SPOCK3: variants seen among roughly 807,000 people sequenced by gnomAD.
SPOCK3 encodes the protein testican-3.
SPOCK3 carries 30 observed loss-of-function variants against 56.6 expected under a neutral mutation model. That is an observed-to-expected ratio of 0.53 (90% confidence interval 0.40 to 0.72). The LOEUF is 0.72. Ranked by LOEUF, SPOCK3 falls within the 30% of genes least tolerant of loss-of-function variation. The pLI, the probability that SPOCK3 is intolerant of heterozygous loss-of-function variation, is 0.00. For synonymous variants in SPOCK3, 196 were observed against 183.3 expected (o/e 1.07, Z -0.56); for missense variants, 527 against 530.0 (o/e 0.99, Z 0.06).
chr4:166,740,951 A>G (rs1734782292), intron 9 of SPOCK3, among the ~76,000 whole-genome samples: 1 of 152,204 alleles, frequency 6.6e-6, no homozygotes, highest in African/African-American at 2.4e-5. Context: ...TTTATTACAA[A>G]ACATTAAACT....
rs200162673 is a variant in SPOCK3 at position 166,951,378 on chromosome 4, C to A, written c.351-38635G>T. ...ACACATACACTCTCCCAAGACTAAACCAGGAAGAAGTTGAATCTCTGAATA... is the reference window on the plus strand; with the variant it reads ...ACACATACACTCTCCCAAGACTAAAACAGGAAGAAGTTGAATCTCTGAATA... On this transcript the variant is annotated intron_variant, in intron 4 of 10. Coordinates refer to ENST00000357545, the MANE Select transcript of SPOCK3 (RefSeq NM_001040159.2). Among the ~76,000 whole-genome samples, 100 of 138,564 alleles carry A rather than the reference C, an allele frequency of 7.2e-4. 9 individuals are homozygous for A. The East Asian group carries it at 0.011, about 15-fold the overall frequency. 90.9% of individuals were successfully genotyped at this position (138,564 alleles called of 152,430 possible). A position where few individuals can be genotyped will look rare whatever the true frequency, so the allele number is the denominator to read the frequency against.
chr4:166,976,929 ATAAT>A (rs1746014208), intron 4 of SPOCK3, among the ~76,000 whole-genome samples: 3 of 151,628 alleles, frequency 2.0e-5, no homozygotes, highest in East Asian at 3.8e-4. Flanking sequence ...ATTCTTTTTA[ATAAT>A]TAAATTTATT....
intron 6 of SPOCK3, among the ~76,000 whole-genome samples, chr4:166,801,400 T>C (rs1742580198): frequency 6.6e-6 from 1 of 152,134 alleles, no homozygotes; most frequent in Non-Finnish European, 1.5e-5. Flanking sequence ...TGACCGTATA[T>C]GGTAGATACA....
intron 2 of SPOCK3, among the ~76,000 whole-genome samples, chr4:167,076,667 T>C (rs531605447): frequency 9.9e-5 from 15 of 151,870 alleles, no homozygotes; most frequent in Non-Finnish European, 1.2e-4. Context: ...ATAATGATAA[T>C]CTACAAAATA....
At chr4:166,746,472 C>T (rs927939554) in intron 8 of SPOCK3, among the ~76,000 whole-genome samples, 1 of 152,092 alleles carries the variant, frequency 6.6e-6, no homozygotes, top group Non-Finnish European at 1.5e-5. Flanking sequence ...ATCTCTGGGA[C>T]ACATTTAAAG....
intron 3 of SPOCK3, among the ~76,000 whole-genome samples, chr4:167,018,874 T>C (rs1207252459): frequency 6.6e-6 from 1 of 152,000 alleles, no homozygotes; most frequent in African/African-American, 2.4e-5. Context: ...CCACCTCAAT[T>C]TTGCCCTGCT....
intron 8 of SPOCK3, 179 bp downstream of exon 8, chr4:166,754,329 G>T: frequency 1.3e-5 from 17 of 1,349,116 alleles, no homozygotes; most frequent in Non-Finnish European, 1.6e-5. Context: ...AGCATGTGTT[G>T]TATCTCTGGC....
chr4:167,102,005 T>C (rs1439600356), intron 2 of SPOCK3, among the ~76,000 whole-genome samples: 1 of 149,168 alleles, frequency 6.7e-6, no homozygotes, highest in East Asian at 2.0e-4. Flanking sequence ...GCCCTCTTAC[T>C]TTTTTTTTTC....
chr4:166,919,826 T>A (rs535664650), intron 4 of SPOCK3, among the ~76,000 whole-genome samples: 1 of 152,314 alleles, frequency 6.6e-6, no homozygotes, highest in African/African-American at 2.4e-5. Context: ...AAAAGCTATG[T>A]ATAGTTATCA....
intron 3 of SPOCK3, among the ~76,000 whole-genome samples, chr4:167,054,166 G>T (rs1754531553): frequency 6.6e-6 from 1 of 152,130 alleles, no homozygotes; most frequent in South Asian, 2.1e-4. Context: ...GATCCTTGTA[G>T]ATAGGGTACC....
intron 6 of SPOCK3, among the ~76,000 whole-genome samples, chr4:166,814,973 T>G (rs1560888071): frequency 2.6e-5 from 4 of 152,110 alleles, no homozygotes. Flanking sequence ...CTGATATCAT[T>G]GCTACAAATG....
intron 3 of SPOCK3, among the ~76,000 whole-genome samples, chr4:167,033,493 A>G (rs1752466960): frequency 6.6e-6 from 1 of 151,594 alleles, no homozygotes; most frequent in Non-Finnish European, 1.5e-5. Flanking sequence ...CACCAGTCTT[A>G]TAAGAATTTT....
intron 2 of SPOCK3, among the ~76,000 whole-genome samples, chr4:167,125,970 C>T (rs1762243421): frequency 6.6e-6 from 1 of 152,132 alleles, no homozygotes; most frequent in African/African-American, 2.4e-5. Context: ...TCTTCAAGAG[C>T]ACAATCCAGA....
chr4:166,764,705 C>T (rs1440118886), intron 7 of SPOCK3, among the ~76,000 whole-genome samples: 1 of 152,006 alleles, frequency 6.6e-6, no homozygotes, highest in Admixed American at 6.6e-5. Context: ...GTATATACCC[C>T]TTAATGGGAT....
chr4:166,931,605 T>C (rs987204704), intron 4 of SPOCK3, among the ~76,000 whole-genome samples: 1 of 152,214 alleles, frequency 6.6e-6, no homozygotes, highest in African/African-American at 2.4e-5. Context: ...AAATATTTAT[T>C]TTAAAAACCG....
intron 7 of SPOCK3, among the ~76,000 whole-genome samples, chr4:166,755,394 T>C (rs576678540): frequency 6.6e-6 from 1 of 152,268 alleles, no homozygotes; most frequent in East Asian, 1.9e-4. Flanking sequence ...GAACTGGGTT[T>C]GTATTCAAGC....
At chr4:167,019,261 C>A (rs1460692504) in intron 3 of SPOCK3, among the ~76,000 whole-genome samples, 2 of 151,954 alleles carry the variant, frequency 1.3e-5, no homozygotes, top group Non-Finnish European at 2.9e-5. Context: ...TTGTTTGTGG[C>A]CTTTGAGGCT....
At chr4:166,991,231 A>G (rs1747746907) in intron 4 of SPOCK3, among the ~76,000 whole-genome samples, 1 of 152,118 alleles carries the variant, frequency 6.6e-6, no homozygotes, top group East Asian at 1.9e-4. Flanking sequence ...CTTAGAGATA[A>G]TGGCTGATAT....
At chr4:166,848,592 C>T (rs1748343247) in intron 6 of SPOCK3, among the ~76,000 whole-genome samples, 1 of 152,114 alleles carries the variant, frequency 6.6e-6, no homozygotes, top group Non-Finnish European at 1.5e-5. Flanking sequence ...TACTTGCCTT[C>T]AAAAACAGAT....
Sources: gnomAD v4.1 joint callset for allele counts (sites outside exome capture counted in the v4.1 genomes callset) on GRCh38, gnomAD v4.1.1 for gene constraint, MANE v1.5 for transcripts, NCBI Gene and HGNC (gene_info 2026-07-23, HGNC 2026-07-21) for gene names.